The following SORCS3 variants were observed in gnomAD, a reference collection of about 807,000 sequenced individuals.
SORCS3 encodes the protein VPS10 domain-containing receptor SorCS3.
Under a neutral mutation model 146.3 loss-of-function variants are expected in SORCS3, and 57 were observed. That is an observed-to-expected ratio of 0.39 (90% CI 0.31 to 0.49). The LOEUF is 0.49. Ranked by LOEUF, SORCS3 falls within the 20% of genes least tolerant of loss-of-function variation. SORCS3 has a pLI of 0.92. For synonymous variants in SORCS3, 653 were observed against 618.5 expected, an observed-to-expected ratio of 1.06 and a Z score of -0.83; for missense variants, 1,341 against 1,575.5, an observed-to-expected ratio of 0.85 and a Z score of 2.52.
intron 4 of SORCS3, among the ~76,000 whole-genome samples, chr10:104,978,253 G>A (rs1048010791): frequency 1.3e-5 from 2 of 152,144 alleles, no homozygotes; most frequent in Non-Finnish European, 2.9e-5. Flanking sequence ...ATGCCACCTT[G>A]ATTTGGTGAC....
intron 1 of SORCS3, among the ~76,000 whole-genome samples, chr10:104,749,464 G>C (rs2016958515): frequency 6.6e-6 from 1 of 152,090 alleles, no homozygotes; most frequent in Admixed American, 6.6e-5. Flanking sequence ...TTTGGCTCAA[G>C]TGTTCAATAT....
intron 6 of SORCS3, among the ~76,000 whole-genome samples, chr10:105,097,653 A>G (rs141237042): frequency 1.6e-3 from 248 of 152,318 alleles, no homozygotes; most frequent in African/African-American, 5.6e-3. Context: ...AAGTATTTTT[A>G]TAATTTATTT....
chr10:104,790,543 T>C (rs745334927), intron 1 of SORCS3, among the ~76,000 whole-genome samples: 5 of 152,220 alleles, frequency 3.3e-5, no homozygotes, highest in Non-Finnish European at 7.3e-5. Context: ...TCTTCTCCAA[T>C]GCTCCGGATG....
intron 1 of SORCS3, among the ~76,000 whole-genome samples, chr10:104,651,870 G>A (rs2015565406): frequency 1.3e-5 from 2 of 152,178 alleles, no homozygotes; most frequent in Non-Finnish European, 2.9e-5. Context: ...ACAAGGTACA[G>A]GCTGGAAGAG....
At chr10:104,738,045 T>G (rs1019251975) in intron 1 of SORCS3, among the ~76,000 whole-genome samples, 1 of 152,092 alleles carries the variant, frequency 6.6e-6, no homozygotes, top group Non-Finnish European at 1.5e-5. Flanking sequence ...CCTTTCCCCA[T>G]TGCTTGTTTT....
At chr10:104,976,276 G>A (rs1280814572) in intron 3 of SORCS3, among the ~76,000 whole-genome samples, 2 of 152,078 alleles carry the variant, frequency 1.3e-5, no homozygotes, top group Non-Finnish European at 2.9e-5. Context: ...TTCTCAAAAG[G>A]AGACATTTAT....
chr10:104,976,461 G>T lies in SORCS3; in HGVS notation c.796-874G>T, dbSNP rs377602438. ...AATAGGAACACTTTTACACTGTTGGGGGGACTGTAAACTAGTTCAACCATT... is the reference window on the plus strand; with the variant it reads ...AATAGGAACACTTTTACACTGTTGGTGGGACTGTAAACTAGTTCAACCATT... On this transcript the variant is annotated intron_variant, in intron 3 of 26. Transcript: ENST00000369701. Among the ~76,000 whole-genome samples the T allele has an allele frequency of 2.8e-3, 422 of 152,174 alleles. 1 individual carries two copies. The highest frequency in any genetic ancestry group is 7.7e-3 in the African/African-American group (318 of 41,504).
chr10:105,167,157 GA>G (rs1380880450), intron 12 of SORCS3, 100 bp from the exon 13 acceptor site: 2 of 903,720 alleles, frequency 2.2e-6, no homozygotes, highest in Non-Finnish European at 3.4e-6. Flanking sequence ...GGAAGGCTCA[GA>G]ACCTAGATGA....
intron 1 of SORCS3, among the ~76,000 whole-genome samples, chr10:104,685,054 G>A (rs952599709): frequency 2.6e-5 from 4 of 152,018 alleles, no homozygotes; most frequent in African/African-American, 9.7e-5. Context: ...CTGGCCTCAA[G>A]TGATCCACCT....
chr10:105,219,007 C>T (rs1297887787), intron 19 of SORCS3, among the ~76,000 whole-genome samples: 4 of 151,434 alleles, frequency 2.6e-5, no homozygotes, highest in African/African-American at 7.3e-5. Context: ...AGAGCGAGAC[C>T]CCGTCTCAAA....
Position 105,094,021 on chromosome 10 carries a change from T to C in SORCS3, c.1093+4182T>C, listed in dbSNP as rs181796182. Among the ~76,000 whole-genome samples, 195 of 152,280 alleles carry C rather than the reference T, an allele frequency of 1.3e-3. 4 individuals carry two copies. Among genetic ancestry groups the C allele is most frequent in the Non-Finnish European group, 3.2e-4 (22 of 68,014 alleles). On this transcript the variant is annotated intron_variant, in intron 6 of 26. Coordinates refer to ENST00000369701, the MANE Select transcript of SORCS3 (RefSeq NM_014978.3). Reference sequence around the variant, plus strand: ...GAATGTATTAATAAGCTGTGGCACATCTACAACATAGGATGCTACTCGGTA... The same window carrying C: ...GAATGTATTAATAAGCTGTGGCACACCTACAACATAGGATGCTACTCGGTA...
intron 17 of SORCS3, among the ~76,000 whole-genome samples, chr10:105,211,455 C>T (rs11192366): frequency 0.039 from 5,960 of 152,228 alleles, 325 homozygotes; most frequent in African/African-American, 0.13. Flanking sequence ...AACCAGATTT[C>T]AATAACTTTG....
intron 2 of SORCS3, among the ~76,000 whole-genome samples, chr10:104,889,447 G>T (rs1347144832): frequency 7.9e-6 from 1 of 126,802 alleles, no homozygotes; most frequent in South Asian, 2.5e-4. Context: ...CCCTCCTTTT[G>T]GATGGTATTT....
intron 1 of SORCS3, among the ~76,000 whole-genome samples, chr10:104,765,499 G>A (rs997204369): frequency 7.2e-5 from 11 of 152,122 alleles, no homozygotes; most frequent in Non-Finnish European, 1.5e-5. Flanking sequence ...GATGTATAAC[G>A]TACATGAAAA....
chr10:105,184,771 C>A (rs950697617), intron 14 of SORCS3, among the ~76,000 whole-genome samples: 6 of 152,206 alleles, frequency 3.9e-5, no homozygotes, highest in Admixed American at 6.5e-5. Context: ...CATATCCTAT[C>A]ATCTCCAAAA....
chr10:104,945,582 T>C (rs1180704077), intron 3 of SORCS3, among the ~76,000 whole-genome samples: 1 of 151,156 alleles, frequency 6.6e-6, no homozygotes, highest in Non-Finnish European at 1.5e-5. Context: ...TTTTTTTTTT[T>C]TAATCATGGA....
At chr10:104,958,403 T>A (rs930124524) in intron 3 of SORCS3, among the ~76,000 whole-genome samples, 8 of 152,130 alleles carry the variant, frequency 5.3e-5, no homozygotes, top group Admixed American at 5.2e-4. Context: ...AATTTGTAAA[T>A]ATGTTCAGTT....
chr10:104,696,370 G>A lies in SORCS3; in HGVS notation c.627+54416G>A, dbSNP rs1237183841. On this transcript the variant is annotated intron_variant, in intron 1 of 26. Transcript: ENST00000369701. ...ATATATCATATATATATCATATATA[G>A]TATATAATATATATTATATAATATA... Among the ~76,000 whole-genome samples, 77 of 14,988 alleles carry A rather than the reference G, an allele frequency of 5.1e-3. 31 individuals are homozygous for A. Among genetic ancestry groups the A allele is most frequent in the African/African-American group, 7.2e-3 (30 of 4,190 alleles). 9.8% of individuals were successfully genotyped at this position (14,988 alleles called of 152,430 possible).
intron 3 of SORCS3, among the ~76,000 whole-genome samples, chr10:104,966,596 TGAGA>T (rs1458849582): frequency 2.0e-5 from 3 of 151,924 alleles, no homozygotes; most frequent in Non-Finnish European, 4.4e-5. Context: ...TCTGGCAGAG[TGAGA>T]GAGAGACTGA....
Sources: allele counts gnomAD v4.1 joint callset (sites outside exome capture counted in the v4.1 genomes callset), GRCh38; gene constraint gnomAD v4.1.1; transcripts MANE v1.5; gene names NCBI Gene and HGNC (gene_info 2026-07-23, HGNC 2026-07-21).